MYOT: variants seen among roughly 807,000 people sequenced by gnomAD.
MYOT encodes the protein myotilin, also known as 57 kDa cytoskeletal protein.
A neutral mutation model predicts 58.0 loss-of-function variants in MYOT; 36 were observed. That is an observed-to-expected ratio of 0.62 (90% CI 0.48 to 0.82). The LOEUF is 0.82. MYOT is among the 40% of genes least tolerant of loss of function. The pLI, the probability that MYOT is intolerant of heterozygous loss-of-function variation, is 0.00. For synonymous variants in MYOT, 218 were observed against 204.6 expected (o/e 1.07, Z -0.56); for missense variants, 505 against 592.1 (o/e 0.85, Z 1.53).
At chr5:137,877,475 C>T in intron 3 of MYOT, 45 bp from the exon 4 acceptor site, 2 of 1,327,182 alleles carry the variant, frequency 1.5e-6, no homozygotes, top group African/African-American at 1.5e-5. Flanking sequence ...CCTGTACAAA[C>T]ATCTTTTATT....
intron 1 of MYOT, among the ~76,000 whole-genome samples, chr5:137,868,563 A>C (rs567898716): frequency 6.6e-6 from 1 of 152,202 alleles, no homozygotes; most frequent in African/African-American, 2.4e-5. Flanking sequence ...AATATCACTA[A>C]TTATTAACAA....
At position 137,880,892 on chromosome 5, in the gene MYOT, G is replaced by GT. The variant is rs776251083; in HGVS notation, c.683+28dup. The stretch of plus-strand genomic sequence containing the variant: ...TAAAAAATTTTAATTTTAAAGAAAT[G>GT]TATGTTTTCCTATCTAAAATATTTT... On this transcript the variant is annotated intron_variant, in intron 5 of 9. Coordinates refer to ENST00000239926, the MANE Select transcript of MYOT (RefSeq NM_006790.3). The GT allele has an allele frequency of 5.4e-6, 8 of 1,478,050 alleles. No homozygotes were observed. In the Admixed American group the frequency reaches 1.4e-4, roughly 25 times the overall value. The allele number at this position is 1,478,050 out of a possible 1,614,324, so 91.6% of individuals were successfully genotyped here.
chr5:137,869,343 G>A (rs1467791763), intron 1 of MYOT, among the ~76,000 whole-genome samples: 2 of 152,158 alleles, frequency 1.3e-5, no homozygotes, highest in Non-Finnish European at 2.9e-5. Flanking sequence ...TATAGGACTA[G>A]TCTTTGTGTG....
intron 6 of MYOT, chr5:137,883,083 T>C: frequency 2.9e-6 from 1 of 350,156 alleles, no homozygotes. Context: ...CTATATTCCT[T>C]ATGGAAACCA....
intron 4 of MYOT, among the ~76,000 whole-genome samples, chr5:137,879,516 C>CT (rs34327276): frequency 0.02 from 2,030 of 99,522 alleles, 293 homozygotes; most frequent in African/African-American, 0.064. Context: ...GATGGTTCAT[C>CT]TTTTTTTTTT....
rs748921791 is a variant in MYOT at position 137,887,306 on chromosome 5, T to C, written c.1418T>C (p.Val473Ala). The C allele has an allele frequency of 1.3e-5, 21 of 1,614,082 alleles. No individual in the cohort carries two copies. The highest frequency in any genetic ancestry group is 1.8e-5 in the Non-Finnish European group (21 of 1,179,976). ...YLALNGKGLNVKQAFNPEGEF... is the reference protein window; with the variant it reads ...YLALNGKGLNAKQAFNPEGEF... The stretch of plus-strand genomic sequence containing the variant: ...GCACTTAATGGGAAAGGTTTGAATG[T>C]AAAACAAGCTTTTAACCCAGAAGGA... Residue 473 changes from valine (V) to alanine (A), a missense_variant, in exon 10 of 10, where the codon GTA becomes GCA. Val to Ala is a moderately conservative substitution (Grantham distance 64). Coordinates refer to ENST00000239926, the MANE Select transcript of MYOT (RefSeq NM_006790.3).
In MYOT at chr5:137,879,610, C is replaced by T. The variant is rs557457409; in HGVS notation, c.634-1206C>T. Among the ~76,000 whole-genome samples the T allele has an allele frequency of 1.9e-4, 28 of 148,258 alleles. 1 individual carries two copies. The highest frequency in any genetic ancestry group is 1.5e-3 in the Admixed American group (22 of 14,906). ...CGCGATCTCGGCTCACTGCAAGCTC[C>T]GCCTCCCGGGTCCATGCCGTTCTCC... On this transcript the variant is annotated intron_variant, in intron 4 of 9. Coordinates refer to ENST00000239926, the MANE Select transcript of MYOT (RefSeq NM_006790.3).
intron 2 of MYOT, among the ~76,000 whole-genome samples, chr5:137,872,127 T>C (rs72801617): frequency 0.017 from 2,609 of 152,338 alleles, 28 homozygotes; most frequent in Non-Finnish European, 0.026. Flanking sequence ...TAGAATCCTA[T>C]AGATATTAAG....
intron 4 of MYOT, 155 bp from the exon 5 acceptor site, chr5:137,880,661 T>C (rs1755397554): frequency 6.2e-6 from 4 of 642,602 alleles, no homozygotes; most frequent in Non-Finnish European, 1.1e-5. Context: ...TAGTGCACTG[T>C]ACTTTAAGGG....
Position 137,882,008 on chromosome 5 carries a change from A to G in MYOT, c.719A>G (p.Gln240Arg). The change falls in exon 6 of 10, where the codon CAG (glutamine) becomes CGG (arginine). Residue 240 changes from glutamine (Q) to arginine (R), a missense_variant. Transcript: ENST00000239926. ...RSTSRGDVND[Q>R]DAIQEKFYPP... Reference sequence around the variant, plus strand: ...ACCTCAAGGGGAGATGTGAATGATCAGGATGCAATCCAGGAGAAATTTTAC... The same window carrying G: ...ACCTCAAGGGGAGATGTGAATGATCGGGATGCAATCCAGGAGAAATTTTAC... The G allele has an allele frequency of 6.2e-7, 1 of 1,614,104 alleles. No homozygotes were observed. Among genetic ancestry groups the G allele is most frequent in the Non-Finnish European group, 8.5e-7 (1 of 1,179,902 alleles).
chr5:137,870,552 C>A lies in MYOT; in HGVS notation c.-100C>A. 9.5e-7 allele frequency: 1 copy of A among 1,055,710 alleles called. No individual in the cohort carries two copies. Among genetic ancestry groups the A allele is most frequent in the Non-Finnish European group, 1.5e-6 (1 of 671,804 alleles). 65.4% of individuals were successfully genotyped at this position (1,055,710 alleles called of 1,614,324 possible). A position where few individuals can be genotyped will look rare whatever the true frequency, so the allele number is the denominator to read the frequency against. ...TTGCTTCTGATTCCTTACAACCTTC[C>A]GTAATTCCAGGCTTGTGGCCCCAAA... On this transcript the variant is annotated 5_prime_UTR_variant, in exon 2 of 10. Coordinates refer to ENST00000239926, the MANE Select transcript of MYOT (RefSeq NM_006790.3).
Position 137,886,995 on chromosome 5 carries a change from C to T in MYOT, c.1322C>T (p.Thr441Met), listed in dbSNP as rs748113190. ...VTTCNTRLDV[T>M]ARPNQTLPAP... ...ACATGTAACACAAGATTAGACGTTACGGGTATGTCATACTATTAACCAAAG... is the reference window on the plus strand; with the variant it reads ...ACATGTAACACAAGATTAGACGTTATGGGTATGTCATACTATTAACCAAAG... The change falls in exon 9 of 10, where the codon ACG becomes ATG. Residue 441 changes from threonine to methionine, a missense_variant and splice_region_variant. Coordinates refer to ENST00000239926, the MANE Select transcript of MYOT (RefSeq NM_006790.3). 6.2e-6 allele frequency: 10 copies of T among 1,612,990 alleles called. No individual in the cohort carries two copies. In the Admixed American group the frequency reaches 1.3e-4, roughly 22 times the overall value.
At chr5:137,875,156 G>A (rs1012808976) in intron 2 of MYOT, among the ~76,000 whole-genome samples, 2 of 152,132 alleles carry the variant, frequency 1.3e-5, no homozygotes, top group Non-Finnish European at 1.5e-5. Flanking sequence ...TTCGGTCATC[G>A]TAGCTATAAC....
At chr5:137,885,762 ACT>A (rs1378319595) in intron 7 of MYOT, among the ~76,000 whole-genome samples, 3 of 124,724 alleles carry the variant, frequency 2.4e-5, no homozygotes, top group African/African-American at 9.2e-5. Context: ...AAAGAGCGAG[ACT>A]CTGTCTCAAA....
At chr5:137,886,348 A>G (rs1208807285) in intron 8 of MYOT, 135 bp downstream of exon 8, 3 of 424,734 alleles carry the variant, frequency 7.1e-6, no homozygotes, top group Admixed American at 4.2e-5. Flanking sequence ...ATATAATAAA[A>G]TATATATTAG....
At chr5:137,877,449 G>C in intron 3 of MYOT, 71 bp from the exon 4 acceptor site, 1 of 902,676 alleles carries the variant, frequency 1.1e-6, no homozygotes, top group South Asian at 1.3e-5. Flanking sequence ...ACCTATAGTA[G>C]TGGTTTTAAG....
In MYOT at chr5:137,887,005, ATACTATTAACCAAAGTAT is replaced by A; in HGVS notation, c.1324+11_1324+28del. The A allele has an allele frequency of 6.2e-7, 1 of 1,612,734 alleles. No homozygotes were observed. Among genetic ancestry groups the A allele is most frequent in the Non-Finnish European group, 8.5e-7 (1 of 1,178,728 alleles). ...CAAGATTAGACGTTACGGGTATGTC[ATACTATTAACCAAAGTAT>A]TATAAGGGATTTAACTAGGAAGATT... On this transcript the variant is annotated intron_variant, in intron 9 of 9. Transcript: ENST00000239926.
chr5:137,875,369 C>A (rs907813316), intron 2 of MYOT, among the ~76,000 whole-genome samples: 1 of 152,046 alleles, frequency 6.6e-6, no homozygotes, highest in African/African-American at 2.4e-5. Context: ...GAAAAGGGTT[C>A]AAAAACTAAC....
chr5:137,878,233 T>C (rs1007916069), intron 4 of MYOT, among the ~76,000 whole-genome samples: 1 of 151,090 alleles, frequency 6.6e-6, no homozygotes, highest in Non-Finnish European at 1.5e-5. Flanking sequence ...TTTTTTTTTT[T>C]GAGACAGTCT....
Sources: gnomAD v4.1 joint callset for allele counts (sites outside exome capture counted in the v4.1 genomes callset) on GRCh38, gnomAD v4.1.1 for gene constraint, MANE v1.5 for transcripts, NCBI Gene and HGNC (gene_info 2026-07-23, HGNC 2026-07-21) for gene names.